Variants in TUT4 observed in about 807,000 individuals in gnomAD.
TUT4 encodes terminal uridylyl transferase 4, also known as terminal uridylyltransferase 4.
A neutral mutation model predicts 192.2 loss-of-function variants in TUT4; 36 were observed. That is an observed-to-expected ratio of 0.19 (90% CI 0.14 to 0.25). TUT4 has a LOEUF of 0.25. TUT4 is among the 10% of genes least tolerant of loss of function. The probability of loss-of-function intolerance (pLI) is 1.00; values close to 1 mark genes in which losing one functional copy is unlikely to be tolerated. For synonymous variants in TUT4, 618 were observed against 666.0 expected (o/e 0.93, Z 1.11); for missense variants, 1,493 against 1,957.2 (o/e 0.76, Z 4.47).
intron 2 of TUT4, 116 bp from the exon 3 acceptor site, chr1:52,516,170 CT>C: frequency 1.2e-6 from 1 of 858,394 alleles, no homozygotes; most frequent in Non-Finnish European, 1.8e-6. Context: ...TTATATTTTC[CT>C]TAGGAAAGTA....
At position 52,481,495 on chromosome 1, in the gene TUT4, G is replaced by C; in HGVS notation, c.1776C>G (p.Asp592Glu). Reference protein sequence around the residue: ...SIAEENKAKADQPKDDTKKTE... With the variant: ...SIAEENKAKAEQPKDDTKKTE... The stretch of plus-strand genomic sequence containing the variant: ...TCTTCTTGGTATCATCTTTTGGTTG[G>C]TCTGCCTTAGCTTTGTTTTCCTCAG... Residue 592 changes from aspartate (D) to glutamate (E), a missense_variant, in exon 11 of 30, where the codon GAC (aspartate) becomes GAG (glutamate). Physicochemically the swap from Asp to Glu is conservative, Grantham distance 45. Around this residue, in one of 7 missense-constraint regions of TUT4, gnomAD observed 437 missense variants for 577.6 expected, o/e 0.76. Coordinates refer to ENST00000257177, the MANE Select transcript of TUT4 (RefSeq NM_001009881.3). 1 of 1,613,822 alleles carries C rather than the reference G, an allele frequency of 6.2e-7. No individual in the cohort carries two copies. The highest frequency in any genetic ancestry group is 8.5e-7 in the Non-Finnish European group (1 of 1,179,932).
chr1:52,497,983 C>A (rs1035780671), intron 4 of TUT4, among the ~76,000 whole-genome samples: 1 of 152,124 alleles, frequency 6.6e-6, no homozygotes, highest in South Asian at 2.1e-4. Context: ...TGAAACATGA[C>A]GCTCCCATCA....
rs565778941 is a variant in TUT4 at position 52,506,761 on chromosome 1, G to A, written c.999+2835C>T. On this transcript the variant is annotated intron_variant, in intron 4 of 29. Coordinates refer to ENST00000257177, the MANE Select transcript of TUT4 (RefSeq NM_001009881.3). The stretch of plus-strand genomic sequence containing the variant: ...CTTCTCTGCTAATCCTAACAAAGGC[G>A]TCAGTTCAAGGTCAGTTATTATAGC... 1.4e-4 allele frequency among the ~76,000 whole-genome samples: 21 copies of A among 152,180 alleles called. No homozygotes were observed. The South Asian group carries it at 2.5e-3, about 18-fold the overall frequency.
intron 3 of TUT4, among the ~76,000 whole-genome samples, chr1:52,514,387 G>A (rs1432938178): frequency 6.6e-6 from 1 of 152,194 alleles, no homozygotes; most frequent in Non-Finnish European, 1.5e-5. Flanking sequence ...GTTGCAGTGA[G>A]CTGAGATCAT....
chr1:52,515,862 C>T (rs754960697), intron 3 of TUT4, 29 bp downstream of exon 3: 1 of 1,613,174 alleles, frequency 6.2e-7, no homozygotes, highest in Non-Finnish European at 8.5e-7. Context: ...ACACATTTCC[C>T]CCCAAATAAC....
At chr1:52,491,583 G>T (rs1443486263) in intron 7 of TUT4, among the ~76,000 whole-genome samples, 3 of 152,128 alleles carry the variant, frequency 2.0e-5, no homozygotes, top group Non-Finnish European at 2.9e-5. Context: ...AGCTACTCGG[G>T]AGGCTGAGGC....
chr1:52,539,130 G>C (rs1685784216), intron 1 of TUT4, among the ~76,000 whole-genome samples: 1 of 152,136 alleles, frequency 6.6e-6, no homozygotes, highest in African/African-American at 2.4e-5. Context: ...TGAAATTAGG[G>C]ATAGATTAAA....
intron 11 of TUT4, 107 bp from the exon 12 acceptor site, chr1:52,477,989 T>G (rs999174477): frequency 9.1e-7 from 1 of 1,095,458 alleles, no homozygotes; most frequent in Non-Finnish European, 1.3e-6. Context: ...AACTGAGACA[T>G]GAAGGAGTAA....
chr1:52,481,500 C>T lies in TUT4; in HGVS notation c.1771G>A (p.Ala591Thr), dbSNP rs1668468967. Residue 591 changes from alanine to threonine, a missense_variant, in exon 11 of 30, where the codon GCA becomes ACA. Transcript: ENST00000257177. Reference protein sequence around the residue: ...NSIAEENKAKADQPKDDTKKT... With the variant: ...NSIAEENKAKTDQPKDDTKKT... ...TTGGTATCATCTTTTGGTTGGTCTG[C>T]CTTAGCTTTGTTTTCCTCAGCAATT... 1 of 1,613,894 alleles carries T rather than the reference C, an allele frequency of 6.2e-7. No homozygotes were observed.
chr1:52,471,886 A>G (rs985807186), intron 14 of TUT4, 66 bp downstream of exon 14: 85 of 1,490,050 alleles, frequency 5.7e-5, no homozygotes, highest in Non-Finnish European at 7.4e-5. Flanking sequence ...TTTTTAAATC[A>G]GAAAATTAAT....
At chr1:52,438,418 T>C (rs1244444404) in intron 24 of TUT4, 83 bp from the exon 25 acceptor site, 89 of 893,608 alleles carry the variant, frequency 1.0e-4, no homozygotes, top group Non-Finnish European at 1.4e-4. Flanking sequence ...GATGCAAACA[T>C]GGTTTATTTT....
chr1:52,456,068 A>G (rs1020879572), intron 20 of TUT4, among the ~76,000 whole-genome samples: 4 of 152,214 alleles, frequency 2.6e-5, no homozygotes, highest in Non-Finnish European at 5.9e-5. Flanking sequence ...TGAATGAATA[A>G]ACTGTGGTAC....
chr1:52,504,799 TAAAA>T (rs1369060147), intron 4 of TUT4, among the ~76,000 whole-genome samples: 1 of 152,220 alleles, frequency 6.6e-6, no homozygotes, highest in Non-Finnish European at 1.5e-5. Flanking sequence ...CTGACTACTC[TAAAA>T]ACCTCATGTA....
At chr1:52,511,536 CT>C (rs1343692343) in intron 3 of TUT4, among the ~76,000 whole-genome samples, 1 of 152,068 alleles carries the variant, frequency 6.6e-6, no homozygotes, top group East Asian at 1.9e-4. Context: ...GGGGGAGTTA[CT>C]GCTTTTTAAA....
chr1:52,500,398 CAG>C (rs1230812190), intron 4 of TUT4, among the ~76,000 whole-genome samples: 2 of 152,304 alleles, frequency 1.3e-5, no homozygotes, highest in East Asian at 3.9e-4. Context: ...GAGGCCAAGG[CAG>C]GAGGACTGCT....
intron 9 of TUT4, among the ~76,000 whole-genome samples, chr1:52,485,492 A>G (rs1195495881): frequency 6.6e-6 from 1 of 152,180 alleles, no homozygotes; most frequent in East Asian, 1.9e-4. Flanking sequence ...AAAACAATGT[A>G]CAACATCAAT....
chr1:52,471,073 GTGGCATA>G (rs1221890581), intron 14 of TUT4, among the ~76,000 whole-genome samples: 1 of 137,626 alleles, frequency 7.3e-6, no homozygotes, highest in Non-Finnish European at 1.5e-5. Flanking sequence ...CTGGAGTGCA[GTGGCATA>G]ATCTTGGCTC....
chr1:52,452,589 A>T (rs753649719), intron 20 of TUT4, among the ~76,000 whole-genome samples: 2 of 152,148 alleles, frequency 1.3e-5, no homozygotes, highest in Non-Finnish European at 2.9e-5. Context: ...AGCCTCCATA[A>T]AAACCCAAAG....
intron 9 of TUT4, among the ~76,000 whole-genome samples, chr1:52,486,265 T>A (rs1288465503): frequency 4.6e-5 from 7 of 152,194 alleles, no homozygotes; most frequent in Admixed American, 4.6e-4. Context: ...ATGCAATTCT[T>A]ACATTAACCA....
Sources: allele counts gnomAD v4.1 joint callset (sites outside exome capture counted in the v4.1 genomes callset), GRCh38; gene constraint gnomAD v4.1.1; regional missense constraint gnomAD v4.1.1; transcripts MANE v1.5; gene names NCBI Gene and HGNC (gene_info 2026-07-23, HGNC 2026-07-21).